Variants in SRRM3 observed in about 807,000 individuals in gnomAD.
The protein encoded by SRRM3 is serine/arginine repetitive matrix 3.
SRRM3 carries 27 observed loss-of-function variants against 66.2 expected under a neutral mutation model. The observed-to-expected ratio is 0.41, with a 90% CI of 0.30 to 0.56. The LOEUF is 0.56. Ranked by LOEUF, SRRM3 falls within the 20% of genes least tolerant of loss-of-function variation. The pLI is 0.32. For synonymous variants in SRRM3, 391 were observed against 414.9 expected (o/e 0.94, Z 0.70); for missense variants, 918 against 991.9 (o/e 0.93, Z 1.00).
chr7:76,251,414 A>G (rs1341910771), intron 3 of SRRM3, among the ~76,000 whole-genome samples: 11 of 149,026 alleles, frequency 7.4e-5, no homozygotes, highest in African/African-American at 2.2e-4. Flanking sequence ...TCGCTCTGTC[A>G]CCCAGGCTGG....
At position 76,282,883 on chromosome 7, in the gene SRRM3, G is replaced by T. The variant is rs1281406802; in HGVS notation, c.1595+11G>T. 2.9e-6 allele frequency: 4 copies of T among 1,357,646 alleles called. No individual in the cohort carries two copies. In the East Asian group the frequency reaches 9.4e-5, roughly 32 times the overall value. The allele number at this position is 1,357,646 out of a possible 1,614,324, so 84.1% of individuals were successfully genotyped here. On this transcript the variant is annotated intron_variant, in intron 13 of 14. Coordinates refer to ENST00000611745, the MANE Select transcript of SRRM3 (RefSeq NM_001110199.3). Reference sequence around the variant, plus strand: ...GAAGCCCCTCAGCCGGTGAGTGCCCGCCCGGACCGGGCCGACGGGGCGGGC... The same window carrying T: ...GAAGCCCCTCAGCCGGTGAGTGCCCTCCCGGACCGGGCCGACGGGGCGGGC...
chr7:76,264,071 C>G (rs1299848410), intron 8 of SRRM3, among the ~76,000 whole-genome samples: 2 of 151,604 alleles, frequency 1.3e-5, no homozygotes, highest in African/African-American at 4.8e-5. Flanking sequence ...TGTCCCAAGT[C>G]CAGTACCAAA....
chr7:76,228,431 C>G (rs1554603920), intron 1 of SRRM3, among the ~76,000 whole-genome samples: 19 of 152,016 alleles, frequency 1.2e-4, no homozygotes, highest in Non-Finnish European at 2.9e-5. Context: ...GCGAAGTCAA[C>G]AATCTGTGTC....
intron 3 of SRRM3, among the ~76,000 whole-genome samples, chr7:76,251,621 G>A (rs1801584663): frequency 6.6e-6 from 1 of 152,092 alleles, no homozygotes; most frequent in South Asian, 2.1e-4. Context: ...TGATCCGCCT[G>A]CCTTGGCCTC....
At chr7:76,242,267 C>G (rs1352060693) in intron 2 of SRRM3, among the ~76,000 whole-genome samples, 1 of 152,130 alleles carries the variant, frequency 6.6e-6, no homozygotes, top group Non-Finnish European at 1.5e-5. Flanking sequence ...GGTGGATCAC[C>G]TGAGGTCGGG....
intron 1 of SRRM3, among the ~76,000 whole-genome samples, chr7:76,223,004 T>G (rs146615281): frequency 1.3e-5 from 2 of 152,230 alleles, no homozygotes; most frequent in African/African-American, 4.8e-5. Flanking sequence ...CCTCCTCCTT[T>G]GTCCCGCCAA....
At chr7:76,235,372 C>T in intron 2 of SRRM3, 73 bp downstream of exon 2, 2 of 1,302,276 alleles carry the variant, frequency 1.5e-6, no homozygotes, top group Non-Finnish European at 2.0e-6. Context: ...AGTGATGCTG[C>T]ACGTGGGCGT....
intron 5 of SRRM3, 71 bp from the exon 6 acceptor site, chr7:76,260,803 C>T: frequency 6.8e-7 from 1 of 1,463,852 alleles, no homozygotes; most frequent in Non-Finnish European, 9.4e-7. Context: ...GCGTGAGACC[C>T]TGGCAAGTGT....
intron 3 of SRRM3, among the ~76,000 whole-genome samples, chr7:76,254,381 C>T (rs1012383442): frequency 6.6e-6 from 1 of 152,094 alleles, no homozygotes; most frequent in Non-Finnish European, 1.5e-5. Context: ...TGCAACGGCA[C>T]GATCTTGGCT....
chr7:76,285,815 G>A lies in SRRM3; in HGVS notation c.1934G>A (p.Arg645Gln), dbSNP rs1369866977. ...SRTPSPSYHS[R>Q]SSSESGGF ...ACCCCCAGTCCCAGCTACCACAGCC[G>A]GAGCAGCTCTGAGAGCGGGGGCTTC... Residue 645 changes from arginine to glutamine, a missense_variant, in exon 15 of 15, where the codon CGG (arginine) becomes CAG (glutamine). Arg to Gln is a conservative substitution (Grantham distance 43). Transcript: ENST00000611745. The surrounding 1 kb of genome is among the most constrained non-coding windows in gnomAD (Gnocchi z 4.1). 15 of 1,550,598 alleles carry A rather than the reference G, an allele frequency of 9.7e-6. No individual in the cohort carries two copies. The highest frequency in any genetic ancestry group is 4.9e-5 in the East Asian group (2 of 40,944).
intron 2 of SRRM3, among the ~76,000 whole-genome samples, chr7:76,242,758 C>A (rs957191562): frequency 6.6e-6 from 1 of 152,120 alleles, no homozygotes; most frequent in Non-Finnish European, 1.5e-5. Context: ...CAACCTACAT[C>A]CCTCGCATGC....
At chr7:76,210,428 GTCT>G (rs1563605064) in intron 1 of SRRM3, among the ~76,000 whole-genome samples, 1 of 152,202 alleles carries the variant, frequency 6.6e-6, no homozygotes, top group Admixed American at 6.5e-5. Context: ...CTCAAATGCT[GTCT>G]TCTTCTCTCT....
At chr7:76,279,264 G>A (rs1802436781) in intron 11 of SRRM3, among the ~76,000 whole-genome samples, 2 of 151,878 alleles carry the variant, frequency 1.3e-5, no homozygotes, top group Non-Finnish European at 2.9e-5. Context: ...TTCTCAAAAA[G>A]AAAGAAAAAA....
At chr7:76,239,609 G>A (rs1275918824) in intron 2 of SRRM3, among the ~76,000 whole-genome samples, 1 of 151,776 alleles carries the variant, frequency 6.6e-6, no homozygotes, top group African/African-American at 2.4e-5. Flanking sequence ...AGGCTGAGGT[G>A]AGAGGATTAC....
chr7:76,282,566 G>GCCCCCCCC, intron 12 of SRRM3, 82 bp from the exon 13 acceptor site: 1 of 338,702 alleles, frequency 3.0e-6, no homozygotes, highest in Non-Finnish European at 4.5e-6. Context: ...TCCGCCCTAA[G>GCCCCCCCC]CCCCGCCCCA....
At chr7:76,230,943 G>T (rs1275940613) in intron 1 of SRRM3, among the ~76,000 whole-genome samples, 1 of 151,916 alleles carries the variant, frequency 6.6e-6, no homozygotes, top group East Asian at 1.9e-4. Context: ...TAGAGACGGG[G>T]TTTCACCATG....
intron 1 of SRRM3, among the ~76,000 whole-genome samples, chr7:76,222,322 G>C (rs1213454899): frequency 6.6e-6 from 1 of 151,598 alleles, no homozygotes; most frequent in Non-Finnish European, 1.5e-5. Context: ...GCTGAGGTGG[G>C]AGGATCACTT....
At chr7:76,218,495 C>T (rs1356757780) in intron 1 of SRRM3, among the ~76,000 whole-genome samples, 1 of 152,072 alleles carries the variant, frequency 6.6e-6, no homozygotes, top group Non-Finnish European at 1.5e-5. Context: ...AGGCTTCAGC[C>T]TCCCACAAGG....
chr7:76,262,563 T>C lies in SRRM3; in HGVS notation c.674+982T>C, dbSNP rs987476147. Among the ~76,000 whole-genome samples, 10 of 149,394 alleles carry C rather than the reference T, an allele frequency of 6.7e-5. No individual in the cohort carries two copies. The East Asian group carries it at 2.0e-3, about 29-fold the overall frequency. On this transcript the variant is annotated intron_variant, in intron 8 of 14. Coordinates refer to ENST00000611745, the MANE Select transcript of SRRM3 (RefSeq NM_001110199.3). ...AAGTCTGGGTGTGGTGGCTCATGCC[T>C]GTAATCCCAGCACTTTGGGAGGCCG... is the stretch of plus-strand genomic sequence containing the variant.
Sources: allele counts gnomAD v4.1 joint callset (sites outside exome capture counted in the v4.1 genomes callset), GRCh38; gene constraint gnomAD v4.1.1; non-coding constraint Gnocchi (gnomAD v3.1); transcripts MANE v1.5; gene names NCBI Gene and HGNC (gene_info 2026-07-23, HGNC 2026-07-21).